Variants in EXOC3L2 observed in about 807,000 individuals in gnomAD.
EXOC3L2 encodes the protein exocyst complex component 3 like 2, also known as exocyst complex component 3-like protein 2.
EXOC3L2 carries 17 observed loss-of-function variants against 44.4 expected under a neutral mutation model. The observed-to-expected ratio is 0.38, with a 90% CI of 0.26 to 0.57. EXOC3L2 has a LOEUF of 0.57. Among genes scored for constraint, EXOC3L2 ranks in the 20% least tolerant of loss-of-function variants. EXOC3L2 has a pLI of 0.65. For synonymous variants in EXOC3L2, 256 were observed against 253.7 expected, an observed-to-expected ratio of 1.01 and a Z score of -0.09; for missense variants, 541 against 588.4, an observed-to-expected ratio of 0.92 and a Z score of 0.83.
intron 1 of EXOC3L2, among the ~76,000 whole-genome samples, chr19:45,242,840 C>T (rs568105781): frequency 8.1e-6 from 1 of 123,058 alleles, no homozygotes; most frequent in Non-Finnish European, 1.6e-5. Context: ...CCAGCCTAGG[C>T]AACAGAGCGA....
At chr19:45,221,549 G>C (rs146883176) in intron 8 of EXOC3L2, among the ~76,000 whole-genome samples, 1 of 151,116 alleles carries the variant, frequency 6.6e-6, no homozygotes, top group African/African-American at 2.4e-5. Flanking sequence ...GGGTTTCACC[G>C]TGTTGGCCAG....
At position 45,216,103 on chromosome 19, in the gene EXOC3L2, C is replaced by T. The variant is rs1599759807; in HGVS notation, c.2090G>A (p.Gly697Glu). 1 of 1,613,902 alleles carries T rather than the reference C, an allele frequency of 6.2e-7. No individual in the cohort carries two copies. Among genetic ancestry groups the T allele is most frequent in the East Asian group, 2.2e-5 (1 of 44,866 alleles). ...EDTPSIQVEV[G>E]VLVRDYPDIR... ...GTCTGGGTAGTCGCGCACCAACACT[C>T]CCACCTCCACCTGGATGCTGGGCGT... The change falls in exon 11 of 12, where the codon GGA becomes GAA. Residue 697 changes from glycine to glutamate, a missense_variant. Coordinates refer to ENST00000413988, the MANE Select transcript of EXOC3L2 (RefSeq NM_001382422.1).
intron 11 of EXOC3L2, among the ~76,000 whole-genome samples, 166 bp from the exon 12 acceptor site, chr19:45,213,523 A>G (rs950492897): frequency 6.6e-6 from 1 of 151,928 alleles, no homozygotes; most frequent in Non-Finnish European, 1.5e-5. Context: ...TCCCTTGCCC[A>G]GGCCCTCACC....
At chr19:45,222,493 GCA>G (rs1371995747) in intron 8 of EXOC3L2, among the ~76,000 whole-genome samples, 1 of 152,104 alleles carries the variant, frequency 6.6e-6, no homozygotes, top group African/African-American at 2.4e-5. Context: ...GAGCCACCAC[GCA>G]CAGTCTATCT....
chr19:45,218,086 A>C (rs1969856242), intron 9 of EXOC3L2, 111 bp downstream of exon 9: 5 of 1,360,264 alleles, frequency 3.7e-6, no homozygotes, highest in Admixed American at 5.4e-5. Context: ...CTCCAGCAGG[A>C]GCGTTCTTGG....
intron 1 of EXOC3L2, among the ~76,000 whole-genome samples, chr19:45,242,259 T>C (rs1970136829): frequency 6.6e-6 from 1 of 152,016 alleles, no homozygotes; most frequent in Non-Finnish European, 1.5e-5. Context: ...TTAGTTCAGG[T>C]TTTTGTTGTT....
rs756892322 is a variant in EXOC3L2, at chr19:45,228,158, C to T, written c.1371+7G>A. On this transcript the variant is annotated splice_region_variant and intron_variant, in intron 5 of 11. Coordinates refer to ENST00000413988, the MANE Select transcript of EXOC3L2 (RefSeq NM_001382422.1). Reference sequence around the variant, plus strand: ...AGCCCATCCCCCAGCCTCCCTCCACCTCCTACCTCACACACATCCTGGGCC... The same window carrying T: ...AGCCCATCCCCCAGCCTCCCTCCACTTCCTACCTCACACACATCCTGGGCC... 3 of 1,614,080 alleles carry T rather than the reference C, an allele frequency of 1.9e-6. No homozygotes were observed. The highest frequency in any genetic ancestry group is 2.5e-6 in the Non-Finnish European group (3 of 1,179,982).
chr19:45,213,291 G>A lies in EXOC3L2; in HGVS notation c.2187C>T (p.Ile729=), dbSNP rs148132329. The A allele has an allele frequency of 1.2e-5, 19 of 1,613,770 alleles. No individual in the cohort carries two copies. The highest frequency in any genetic ancestry group is 1.7e-5 in the Admixed American group (1 of 59,962). The change falls in exon 12 of 12, where the codon ATC becomes ATT. Residue 729 remains isoleucine, a synonymous_variant. Coordinates refer to ENST00000413988, the MANE Select transcript of EXOC3L2 (RefSeq NM_001382422.1). ...GLRNTAARQE[I]LAVARDLELS... ...GTTCCAGGTCCCGGGCCACGGCCAGGATCTCCTGGCGGGCGGCTGTGTTGC... is the reference window on the plus strand; with the variant it reads ...GTTCCAGGTCCCGGGCCACGGCCAGAATCTCCTGGCGGGCGGCTGTGTTGC...
intron 4 of EXOC3L2, among the ~76,000 whole-genome samples, chr19:45,231,521 T>C (rs1970031680): frequency 6.6e-6 from 1 of 151,872 alleles, no homozygotes; most frequent in Admixed American, 6.6e-5. Context: ...GCCTGTGAGC[T>C]GTAGTTCTGT....
intron 7 of EXOC3L2, 96 bp from the exon 8 acceptor site, chr19:45,225,009 G>A: frequency 7.4e-7 from 1 of 1,351,584 alleles, no homozygotes; most frequent in Non-Finnish European, 9.6e-7. Context: ...GGGGCACAGG[G>A]GTGACAGGTC....
rs1970106172 is a variant in EXOC3L2 at position 45,238,829 on chromosome 19, G to A, written c.217C>T (p.Pro73Ser). 2.5e-6 allele frequency: 1 copy of A among 398,980 alleles called. No individual in the cohort carries two copies. 24.7% of individuals were successfully genotyped at this position (398,980 alleles called of 1,614,324 possible). A position where few individuals can be genotyped will look rare whatever the true frequency, so the allele number is the denominator to read the frequency against. The change falls in exon 2 of 12, where the codon CCG becomes TCG. Residue 73 changes from proline (P) to serine (S), a missense_variant. Coordinates refer to ENST00000413988, the MANE Select transcript of EXOC3L2 (RefSeq NM_001382422.1). The surrounding 1 kb of genome is among the most constrained non-coding windows in gnomAD (Gnocchi z 5.5). ...GLAPFRLGWA[P>S]GRRAGSPGDG... is the part of the protein sequence containing the mutation. ...CCAGGGCTGCCTGCCCGCCGGCCCG[G>A]GGCCCAGCCCAGCCGGAAGGGGGCC... is the stretch of plus-strand genomic sequence containing the variant.
At chr19:45,244,761 G>T (rs1252131627) in intron 1 of EXOC3L2, among the ~76,000 whole-genome samples, 1 of 152,072 alleles carries the variant, frequency 6.6e-6, no homozygotes, top group Non-Finnish European at 1.5e-5. Flanking sequence ...ATCTGTATTA[G>T]AGAACGGTCT....
chr19:45,218,990 G>A (rs1282569003), intron 8 of EXOC3L2, among the ~76,000 whole-genome samples: 1 of 152,052 alleles, frequency 6.6e-6, no homozygotes, highest in African/African-American at 2.4e-5. Flanking sequence ...TGTAATCCTA[G>A]CACTTTGGAA....
At chr19:45,241,040 C>T (rs1970127144) in intron 1 of EXOC3L2, among the ~76,000 whole-genome samples, 1 of 152,178 alleles carries the variant, frequency 6.6e-6, no homozygotes, top group Non-Finnish European at 1.5e-5. Flanking sequence ...CCCATTCCAT[C>T]TCCTAAGCCT....
Position 45,228,028 on chromosome 19 carries a change from A to C in EXOC3L2, c.1418T>G (p.Phe473Cys). The change falls in exon 6 of 12, where the codon TTT becomes TGT. Residue 473 changes from phenylalanine (F) to cysteine (C), a missense_variant. Physicochemically the swap from Phe to Cys is radical, Grantham distance 205. Transcript: ENST00000413988. Reference sequence around the variant, plus strand: ...GCAGCAGTGGGCCATCCGCTCCCCAAACTCCTGGCTGATGCGGGGTGCTCG... The same window carrying C: ...GCAGCAGTGGGCCATCCGCTCCCCACACTCCTGGCTGATGCGGGGTGCTCG... ...TERAPRISQE[F>C]GERMAHCCLG... The C allele has an allele frequency of 6.2e-7, 1 of 1,613,964 alleles. No homozygotes were observed. The highest frequency in any genetic ancestry group is 8.5e-7 in the Non-Finnish European group (1 of 1,179,998).
intron 1 of EXOC3L2, among the ~76,000 whole-genome samples, chr19:45,244,659 C>A (rs531207600): frequency 6.6e-6 from 1 of 152,298 alleles, no homozygotes; most frequent in South Asian, 2.1e-4. Context: ...CCCTCCTCCT[C>A]TTCCTCACTG....
intron 1 of EXOC3L2, among the ~76,000 whole-genome samples, chr19:45,243,592 C>T (rs945687923): frequency 6.6e-6 from 1 of 152,162 alleles, no homozygotes; most frequent in Non-Finnish European, 1.5e-5. Context: ...TAGATACTCC[C>T]CCATGCACAC....
At chr19:45,225,056 G>C (rs1261585075) in intron 7 of EXOC3L2, 143 bp from the exon 8 acceptor site, 43 of 1,107,320 alleles carry the variant, frequency 3.9e-5, no homozygotes, top group Non-Finnish European at 4.3e-5. Flanking sequence ...ACTCTGGAGA[G>C]GGGTCAGGGG....
At chr19:45,244,353 A>AG (rs1289868486) in intron 1 of EXOC3L2, among the ~76,000 whole-genome samples, 1 of 152,036 alleles carries the variant, frequency 6.6e-6, no homozygotes, top group Non-Finnish European at 1.5e-5. Context: ...CTCCAATTGA[A>AG]GTCAACCTTG....
Sources: allele counts gnomAD v4.1 joint callset (sites outside exome capture counted in the v4.1 genomes callset), GRCh38; gene constraint gnomAD v4.1.1; non-coding constraint Gnocchi (gnomAD v3.1); transcripts MANE v1.5; gene names NCBI Gene and HGNC (gene_info 2026-07-23, HGNC 2026-07-21).